CAVIN1: variants seen among roughly 807,000 people sequenced by gnomAD.
CAVIN1 encodes caveolae associated protein 1.
CAVIN1 carries 16 observed loss-of-function variants against 24.0 expected under a neutral mutation model. That is an observed-to-expected ratio of 0.67 (90% confidence interval 0.45 to 1.01). The LOEUF (loss-of-function observed/expected upper bound fraction) is 1.01. CAVIN1 is among the 50% of genes least tolerant of loss of function. The probability of loss-of-function intolerance (pLI) is 0.00; values close to 1 mark genes in which losing one functional copy is unlikely to be tolerated. For missense variants in CAVIN1, 510 were observed against 551.7 expected, an observed-to-expected ratio of 0.92 and a Z score of 0.76; for synonymous variants, 256 against 256.4, an observed-to-expected ratio of 1.00 and a Z score of 0.02.
At chr17:42,421,947 A>G in intron 1 of CAVIN1, among the ~76,000 whole-genome samples, 1 of 147,140 alleles carries the variant, frequency 6.8e-6, no homozygotes, top group East Asian at 2.2e-4. Context: ...CCAGGGTGCC[A>G]GCGCGCCGCG....
chr17:42,419,119 C>T (rs1488657410), intron 1 of CAVIN1, among the ~76,000 whole-genome samples: 1 of 151,952 alleles, frequency 6.6e-6, no homozygotes, highest in Non-Finnish European at 1.5e-5. Context: ...ATCACTTGAG[C>T]CCAAGAGTTC....
rs975365855 is a variant in CAVIN1, at chr17:42,409,249, C to A, written c.472-3861G>T. On this transcript the variant is annotated intron_variant, in intron 1 of 1. Transcript: ENST00000357037. ...CCAAGTAGCTGGAACTACAGGCGCA[C>A]GCCACCATGCCCAGCTAATTTTTGT... is the stretch of plus-strand genomic sequence containing the variant. 2.6e-5 allele frequency among the ~76,000 whole-genome samples: 4 copies of A among 151,856 alleles called. No homozygotes were observed. In the South Asian group the frequency reaches 8.3e-4, roughly 32 times the overall value.
At chr17:42,409,037 C>G (rs904943810) in intron 1 of CAVIN1, among the ~76,000 whole-genome samples, 2 of 151,960 alleles carry the variant, frequency 1.3e-5, no homozygotes, top group African/African-American at 4.8e-5. Flanking sequence ...AGGGATCCTC[C>G]CACCTCGGCC....
rs563351361 is a variant in CAVIN1, at chr17:42,412,058, C to T, written c.472-6670G>A. On this transcript the variant is annotated intron_variant, in intron 1 of 1. Coordinates refer to ENST00000357037, the MANE Select transcript of CAVIN1 (RefSeq NM_012232.6). Reference sequence around the variant, plus strand: ...TCCGGGAGACCCTAAACACTCCCACCGGCTGTCAGCTCCTCTGGGGTGGGC... The same window carrying T: ...TCCGGGAGACCCTAAACACTCCCACTGGCTGTCAGCTCCTCTGGGGTGGGC... 1.0e-5 allele frequency: 10 copies of T among 985,374 alleles called. No individual in the cohort carries two copies. In the African/African-American group the frequency reaches 1.2e-4, roughly 12 times the overall value. The allele number at this position is 985,374 out of a possible 1,614,324, so 61.0% of individuals were successfully genotyped here.
intron 1 of CAVIN1, among the ~76,000 whole-genome samples, chr17:42,419,816 A>G (rs926234387): frequency 6.6e-6 from 1 of 152,022 alleles, no homozygotes; most frequent in African/African-American, 2.4e-5. Context: ...AGAGAAGGGC[A>G]GTAATGACTC....
At chr17:42,422,383 G>A (rs529461153) in intron 1 of CAVIN1, among the ~76,000 whole-genome samples, 1 of 152,304 alleles carries the variant, frequency 6.6e-6, no homozygotes, top group South Asian at 2.1e-4. Context: ...ATCTGAGTGG[G>A]GAGGTGCGAG....
chr17:42,410,160 G>A (rs17841509), intron 1 of CAVIN1, among the ~76,000 whole-genome samples: 12,089 of 152,244 alleles, frequency 0.079, 507 homozygotes, highest in Non-Finnish European at 0.09. Context: ...TTGTTAGGGA[G>A]AAGGGACAGA....
chr17:42,415,971 G>A (rs893935205), intron 1 of CAVIN1, among the ~76,000 whole-genome samples: 5 of 152,122 alleles, frequency 3.3e-5, no homozygotes, highest in Admixed American at 1.3e-4. Flanking sequence ...AAAAGGCCGC[G>A]TGGCTCACGC....
chr17:42,422,589 C>T (rs2085558465), intron 1 of CAVIN1, 38 bp downstream of exon 1: 2 of 1,497,382 alleles, frequency 1.3e-6, no homozygotes, highest in Non-Finnish European at 1.8e-6. Context: ...GCGGGCCGGG[C>T]GCGGGAGCTC....
At position 42,415,299 on chromosome 17, in the gene CAVIN1, G is replaced by C. The variant is rs1429534324; in HGVS notation, c.471+7328C>G. 2.0e-5 allele frequency among the ~76,000 whole-genome samples: 3 copies of C among 152,300 alleles called. No homozygotes were observed. The East Asian group carries it at 5.8e-4, about 29-fold the overall frequency. On this transcript the variant is annotated intron_variant, in intron 1 of 1. Transcript: ENST00000357037. ...TACACCTGGGTTCTGGCTCCAGTTT[G>C]ACTCCCAATCACTTGAGTGACAATA...
rs202151332 is a variant in CAVIN1, at chr17:42,422,789, C to T, written c.309G>A (p.Thr103=). 18 of 1,613,686 alleles carry T rather than the reference C, an allele frequency of 1.1e-5. No homozygotes were observed. The East Asian group carries it at 1.8e-4, about 16-fold the overall frequency. ...CCAGCAGCTTGCTCACCGTATTGCT[C>T]GTGGTGGCGTGCGCCTTGCCCAGCT... is the stretch of plus-strand genomic sequence containing the variant. ...LSKLGKAHAT[T]SNTVSKLLEK... The change falls in exon 1 of 2, where the codon ACG becomes ACA. Residue 103 remains threonine (T), a synonymous_variant. Transcript: ENST00000357037.
At chr17:42,406,334 G>A (rs2085446515) in intron 1 of CAVIN1, among the ~76,000 whole-genome samples, 1 of 151,950 alleles carries the variant, frequency 6.6e-6, no homozygotes, top group African/African-American at 2.4e-5. Context: ...CACCCAAGCA[G>A]GTAAAGTAAA....
rs1249887736 is a variant in CAVIN1 at position 42,423,247 on chromosome 17, G to A, written c.-150C>T. 3 of 655,712 alleles carry A rather than the reference G, an allele frequency of 4.6e-6. No individual in the cohort carries two copies. Among genetic ancestry groups the A allele is most frequent in the South Asian group, 3.9e-5 (2 of 50,678 alleles). The allele number at this position is 655,712 out of a possible 1,614,324, so 40.6% of individuals were successfully genotyped here. A position where few individuals can be genotyped will look rare whatever the true frequency, so the allele number is the denominator to read the frequency against. On this transcript the variant is annotated 5_prime_UTR_variant, in exon 1 of 2. Coordinates refer to ENST00000357037, the MANE Select transcript of CAVIN1 (RefSeq NM_012232.6). Reference sequence around the variant, plus strand: ...CCACGTCCGTGCGCACCGGGACAGCGGCCAGAACTGCTGGGCGGGGGATCG... The same window carrying A: ...CCACGTCCGTGCGCACCGGGACAGCAGCCAGAACTGCTGGGCGGGGGATCG...
At chr17:42,411,211 T>TAAAAAAAAAAA (rs1468503843) in intron 1 of CAVIN1, among the ~76,000 whole-genome samples, 85 of 45,802 alleles carry the variant, frequency 1.9e-3, no homozygotes, top group East Asian at 5.9e-3. Context: ...AAAAAAAAAC[T>TAAAAAAAAAAA]AAAAGGTCTG....
intron 1 of CAVIN1, among the ~76,000 whole-genome samples, chr17:42,413,772 G>C (rs1307388430): frequency 1.3e-5 from 2 of 152,080 alleles, no homozygotes; most frequent in Admixed American, 1.3e-4. Context: ...GAGGCTACTA[G>C]GGGTGGATAA....
intron 1 of CAVIN1, among the ~76,000 whole-genome samples, chr17:42,408,859 C>T (rs1217396811): frequency 1.4e-5 from 2 of 143,998 alleles, no homozygotes; most frequent in African/African-American, 2.6e-5. Context: ...GGCGCGATCT[C>T]GGCTCACTGC....
chr17:42,412,135 G>A (rs1291473835), intron 1 of CAVIN1: 1 of 985,238 alleles, frequency 1.0e-6, no homozygotes, highest in East Asian at 1.1e-4. Flanking sequence ...CTGGTCAAAA[G>A]GTGGGAGCTC....
chr17:42,408,584 T>C (rs2085458962), intron 1 of CAVIN1, among the ~76,000 whole-genome samples: 1 of 152,022 alleles, frequency 6.6e-6, no homozygotes, highest in Non-Finnish European at 1.5e-5. Flanking sequence ...ATCCGCCTCC[T>C]AGGTTCAAGC....
chr17:42,405,682 GTTTTT>G (rs531661585), intron 1 of CAVIN1, among the ~76,000 whole-genome samples: 13 of 57,828 alleles, frequency 2.2e-4, no homozygotes, highest in Non-Finnish European at 3.4e-4. Flanking sequence ...CTCTCTCCTT[GTTTTT>G]TTTTTTTTTT....
Sources: allele counts gnomAD v4.1 joint callset (sites outside exome capture counted in the v4.1 genomes callset), GRCh38; gene constraint gnomAD v4.1.1; transcripts MANE v1.5; gene names NCBI Gene and HGNC (gene_info 2026-07-23, HGNC 2026-07-21).